Variants in CSMD1 observed in about 807,000 individuals in gnomAD.
CSMD1 encodes the protein CUB and sushi domain-containing protein 1.
In CSMD1, 213 loss-of-function variants were observed where a neutral mutation model predicts 417.5. That is an observed-to-expected ratio of 0.51 (90% CI 0.46 to 0.57). CSMD1 has a LOEUF of 0.57. Ranked by LOEUF, CSMD1 falls within the 20% of genes least tolerant of loss-of-function variation. The pLI is 0.00. For missense variants in CSMD1, 6,923 were observed against 4,529.7 expected, an observed-to-expected ratio of 1.53 and a Z score of -15.17; for synonymous variants, 2,862 against 1,736.8, an observed-to-expected ratio of 1.65 and a Z score of -16.11.
rs1465605631 is a variant in CSMD1, at chr8:4,257,620, G to T, written c.415+162333C>A. Among the ~76,000 whole-genome samples the T allele has an allele frequency of 2.6e-5, 4 of 152,264 alleles. No individual in the cohort carries two copies. The South Asian group carries it at 8.3e-4, about 32-fold the overall frequency. Reference sequence around the variant, plus strand: ...GATAGGAAAATTTGGTGAAAAGTTTGTCCTACTGTTTCAGGAAATACATCA... The same window carrying T: ...GATAGGAAAATTTGGTGAAAAGTTTTTCCTACTGTTTCAGGAAATACATCA... On this transcript the variant is annotated intron_variant, in intron 3 of 69. Coordinates refer to ENST00000635120, the MANE Select transcript of CSMD1 (RefSeq NM_033225.6).
chr8:3,822,962 A>G (rs1801822190), intron 5 of CSMD1, among the ~76,000 whole-genome samples: 2 of 152,186 alleles, frequency 1.3e-5, no homozygotes, highest in South Asian at 4.1e-4. Context: ...AAGTTGAATC[A>G]ACTTTTTTAG....
At chr8:3,860,346 C>A (rs1804614237) in intron 5 of CSMD1, among the ~76,000 whole-genome samples, 1 of 152,064 alleles carries the variant, frequency 6.6e-6, no homozygotes. Flanking sequence ...AAGTATAGGG[C>A]AATTTCAGTT....
intron 21 of CSMD1, among the ~76,000 whole-genome samples, chr8:3,355,575 C>G (rs10098833): frequency 0.73 from 111,133 of 152,010 alleles, 41,190 homozygotes; most frequent in African/African-American, 0.85. Context: ...AAGCGATCTT[C>G]ACATAGCTGT....
chr8:3,614,271 T>C (rs567241569), intron 8 of CSMD1, among the ~76,000 whole-genome samples: 39 of 152,268 alleles, frequency 2.6e-4, no homozygotes, highest in African/African-American at 9.4e-4. Flanking sequence ...TCTTCTGAGA[T>C]AAGATTCTAC....
At chr8:4,134,399 G>T (rs969723175) in intron 3 of CSMD1, among the ~76,000 whole-genome samples, 1 of 152,154 alleles carries the variant, frequency 6.6e-6, no homozygotes, top group Non-Finnish European at 1.5e-5. Context: ...AAGGCACAAA[G>T]GGATGACCTT....
intron 1 of CSMD1, among the ~76,000 whole-genome samples, chr8:4,781,132 T>C (rs1006925728): frequency 2.0e-5 from 3 of 152,162 alleles, no homozygotes; most frequent in Admixed American, 2.0e-4. Flanking sequence ...AGTGCAGGTG[T>C]CACCTGCAAT....
intron 3 of CSMD1, among the ~76,000 whole-genome samples, chr8:4,049,603 G>A (rs192059252): frequency 6.6e-6 from 1 of 151,900 alleles, no homozygotes; most frequent in East Asian, 1.9e-4. Context: ...TTTATTTAGG[G>A]TTTAATATTT....
At chr8:3,600,925 T>A (rs17128) in intron 8 of CSMD1, among the ~76,000 whole-genome samples, 1 of 152,272 alleles carries the variant, frequency 6.6e-6, no homozygotes, top group East Asian at 1.9e-4. Flanking sequence ...TGATTGAAAA[T>A]GTGGATAGAG....
intron 3 of CSMD1, among the ~76,000 whole-genome samples, chr8:4,233,675 A>G (rs1180148086): frequency 2.6e-5 from 4 of 152,156 alleles, no homozygotes; most frequent in African/African-American, 9.7e-5. Flanking sequence ...GTGCTTTATA[A>G]GCTATCCAAT....
intron 2 of CSMD1, among the ~76,000 whole-genome samples, chr8:4,457,539 A>G (rs997212436): frequency 3.3e-5 from 5 of 152,164 alleles, no homozygotes; most frequent in African/African-American, 7.2e-5. Context: ...GAAAATTTCA[A>G]TTTTATACTA....
chr8:3,205,401 G>A, intron 31 of CSMD1, 103 bp downstream of exon 31: 1 of 630,086 alleles, frequency 1.6e-6, no homozygotes, highest in Non-Finnish European at 2.7e-6. Flanking sequence ...GCTTTTATAT[G>A]AAATATTTCA....
chr8:3,307,344 C>G (rs570715125), intron 25 of CSMD1, among the ~76,000 whole-genome samples: 10 of 152,220 alleles, frequency 6.6e-5, no homozygotes, highest in African/African-American at 2.4e-4. Context: ...TAAGGAAGGT[C>G]ATCCTGGACT....
chr8:4,925,484 T>C (rs1284900988), intron 1 of CSMD1, among the ~76,000 whole-genome samples: 2 of 152,056 alleles, frequency 1.3e-5, no homozygotes, highest in African/African-American at 4.8e-5. Context: ...AACTCAGTAA[T>C]TTCTAGTCTT....
intron 7 of CSMD1, among the ~76,000 whole-genome samples, chr8:3,684,467 G>C (rs1422277579): frequency 1.3e-5 from 2 of 150,260 alleles, no homozygotes; most frequent in South Asian, 2.1e-4. Flanking sequence ...TTAGATATAG[G>C]TTTTGGGATT....
At chr8:4,365,591 T>TG (rs1279712806) in intron 3 of CSMD1, among the ~76,000 whole-genome samples, 1 of 152,226 alleles carries the variant, frequency 6.6e-6, no homozygotes, top group Admixed American at 6.5e-5. Context: ...GCAGATACTC[T>TG]GGTTTCTGTC....
chr8:4,818,619 G>A (rs1295237601), intron 1 of CSMD1, among the ~76,000 whole-genome samples: 8 of 152,094 alleles, frequency 5.3e-5, no homozygotes, highest in Non-Finnish European at 1.2e-4. Context: ...CACCCTTGAG[G>A]GAAAGTGCCA....
intron 3 of CSMD1, among the ~76,000 whole-genome samples, chr8:4,284,595 C>A (rs892236550): frequency 6.6e-6 from 1 of 152,120 alleles, no homozygotes; most frequent in African/African-American, 2.4e-5. Flanking sequence ...TATTTACATT[C>A]TCGTCAGGCA....
chr8:3,283,180 A>G (rs780554763), intron 26 of CSMD1, among the ~76,000 whole-genome samples: 3 of 152,112 alleles, frequency 2.0e-5, no homozygotes, highest in Non-Finnish European at 4.4e-5. Context: ...CTTTATCCCT[A>G]AGGTGGAAAA....
intron 6 of CSMD1, among the ~76,000 whole-genome samples, chr8:3,751,435 G>A (rs1462211611): frequency 6.8e-6 from 1 of 146,806 alleles, no homozygotes; most frequent in African/African-American, 2.5e-5. Context: ...ACTACATACA[G>A]TTTATACATA....
Sources: gnomAD v4.1 joint callset for allele counts (sites outside exome capture counted in the v4.1 genomes callset) on GRCh38, gnomAD v4.1.1 for gene constraint, MANE v1.5 for transcripts, NCBI Gene and HGNC (gene_info 2026-07-23, HGNC 2026-07-21) for gene names.